Variants in PTPRR observed in about 807,000 individuals in gnomAD.
PTPRR encodes the protein receptor-type tyrosine-protein phosphatase R.
PTPRR carries 38 observed loss-of-function variants against 77.2 expected under a neutral mutation model. The ratio of observed to expected loss-of-function variants is 0.49; its 90% CI spans 0.38 to 0.65. The LOEUF (loss-of-function observed/expected upper bound fraction) is 0.65. Ranked by LOEUF, PTPRR falls within the 30% of genes least tolerant of loss-of-function variation. The probability of loss-of-function intolerance (pLI) is 0.00; values close to 1 mark genes in which losing one functional copy is unlikely to be tolerated. For missense variants in PTPRR, 744 were observed against 799.2 expected, an observed-to-expected ratio of 0.93 and a Z score of 0.83; for synonymous variants, 299 against 283.1, an observed-to-expected ratio of 1.06 and a Z score of -0.57.
Position 70,707,218 on chromosome 12 carries a change from A to G in PTPRR, c.1008-5895T>C, listed in dbSNP as rs151037091. Among the ~76,000 whole-genome samples, 226 of 152,272 alleles carry G rather than the reference A, an allele frequency of 1.5e-3. No individual in the cohort carries two copies. The Middle Eastern group carries it at 0.02, about 14-fold the overall frequency. On this transcript the variant is annotated intron_variant, in intron 6 of 13. Transcript: ENST00000283228. ...TGTTTTCATGATTCAAAAATAATGC[A>G]TGTTAACTAAAGCTAAAAATAGAGA...
At chr12:70,854,451 A>G (rs962365359) in intron 2 of PTPRR, among the ~76,000 whole-genome samples, 4 of 152,232 alleles carry the variant, frequency 2.6e-5, no homozygotes, top group African/African-American at 7.2e-5. Context: ...GCACATCTTC[A>G]TAAGGCTCTC....
Position 70,638,990 on chromosome 12 carries a change from T to C in PTPRR, c.*194A>G. ...AAAACCTTCAGAATAATTTGGGGGA[T>C]GCTTACAAATGCATTCATATACACA... On this transcript the variant is annotated 3_prime_UTR_variant, in exon 14 of 14. Transcript: ENST00000283228. 3.4e-6 allele frequency: 2 copies of C among 580,534 alleles called. No individual in the cohort carries two copies. The allele number at this position is 580,534 out of a possible 1,614,324, so 36.0% of individuals were successfully genotyped here.
chr12:70,720,881 T>A (rs775560892), intron 6 of PTPRR, among the ~76,000 whole-genome samples: 1 of 152,186 alleles, frequency 6.6e-6, no homozygotes, highest in Non-Finnish European at 1.5e-5. Flanking sequence ...CACTCCCTCA[T>A]CTTCGACTCC....
At chr12:70,665,635 G>A (rs1886964002) in intron 10 of PTPRR, among the ~76,000 whole-genome samples, 1 of 151,306 alleles carries the variant, frequency 6.6e-6, no homozygotes, top group Non-Finnish European at 1.5e-5. Context: ...GCCCACCTTG[G>A]CCTCCCAAAG....
At chr12:70,840,154 A>T (rs937200772) in intron 2 of PTPRR, among the ~76,000 whole-genome samples, 11 of 152,150 alleles carry the variant, frequency 7.2e-5, no homozygotes, top group African/African-American at 2.7e-4. Flanking sequence ...AAATCAAAGT[A>T]TCACTGGGGC....
intron 1 of PTPRR, among the ~76,000 whole-genome samples, chr12:70,894,684 T>C (rs1377301824): frequency 6.6e-6 from 1 of 151,892 alleles, no homozygotes; most frequent in East Asian, 1.9e-4. Context: ...TTTCCATTGA[T>C]AAAACAGTGG....
intron 10 of PTPRR, chr12:70,672,911 C>A (rs1327435463): frequency 1.3e-6 from 2 of 1,523,250 alleles, no homozygotes; most frequent in South Asian, 2.3e-5. Flanking sequence ...TGCTCCCACT[C>A]AGCTTAGCCC....
intron 13 of PTPRR, among the ~76,000 whole-genome samples, chr12:70,650,847 A>G (rs938928439): frequency 1.3e-5 from 2 of 152,208 alleles, no homozygotes; most frequent in East Asian, 1.9e-4. Flanking sequence ...ACAAACACTC[A>G]TTCCATTCTA....
chr12:70,638,908 G>A lies in PTPRR; in HGVS notation c.*276C>T. The A allele has an allele frequency of 2.4e-6, 1 of 419,160 alleles. No homozygotes were observed. Among genetic ancestry groups the A allele is most frequent in the South Asian group, 3.2e-5 (1 of 30,888 alleles). The allele number at this position is 419,160 out of a possible 1,614,324, so 26.0% of individuals were successfully genotyped here. Reference sequence around the variant, plus strand: ...CTGTGTGGCAGATAGAGTCAGTACAGACAAAACAAAATCTGCCTTAGGCTG... The same window carrying A: ...CTGTGTGGCAGATAGAGTCAGTACAAACAAAACAAAATCTGCCTTAGGCTG... On this transcript the variant is annotated 3_prime_UTR_variant, in exon 14 of 14. Transcript: ENST00000283228.
At chr12:70,894,899 G>A (rs758117801) in intron 1 of PTPRR, among the ~76,000 whole-genome samples, 17 of 151,654 alleles carry the variant, frequency 1.1e-4, no homozygotes, top group Admixed American at 3.3e-4. Flanking sequence ...GGTCAATTTA[G>A]CATGCTCGGA....
intron 1 of PTPRR, among the ~76,000 whole-genome samples, chr12:70,897,683 C>T (rs894151382): frequency 1.3e-5 from 2 of 152,024 alleles, no homozygotes; most frequent in Non-Finnish European, 2.9e-5. Flanking sequence ...ATAAATCGTG[C>T]TGCTATAAAG....
intron 2 of PTPRR, among the ~76,000 whole-genome samples, chr12:70,841,721 GAC>G: frequency 8.6e-6 from 1 of 115,608 alleles, no homozygotes; most frequent in Non-Finnish European, 2.0e-5. Flanking sequence ...TAAAAGTAAA[GAC>G]ATCATTTTCC....
intron 2 of PTPRR, among the ~76,000 whole-genome samples, chr12:70,823,563 T>C (rs926760881): frequency 1.4e-4 from 22 of 152,222 alleles, no homozygotes; most frequent in African/African-American, 5.1e-4. Flanking sequence ...TTTAACAACT[T>C]GTACTTATTA....
At chr12:70,898,709 G>A (rs1893479137) in intron 1 of PTPRR, among the ~76,000 whole-genome samples, 1 of 150,836 alleles carries the variant, frequency 6.6e-6, no homozygotes, top group Admixed American at 6.6e-5. Flanking sequence ...AGAAAAAAGA[G>A]TAAAATAAAT....
chr12:70,832,800 T>C (rs1648040709), intron 2 of PTPRR, among the ~76,000 whole-genome samples: 1 of 152,146 alleles, frequency 6.6e-6, no homozygotes, highest in Non-Finnish European at 1.5e-5. Flanking sequence ...TGTACAAGCA[T>C]GGACCAGCAT....
intron 10 of PTPRR, among the ~76,000 whole-genome samples, chr12:70,666,298 T>C (rs986750479): frequency 9.9e-5 from 15 of 152,162 alleles, no homozygotes; most frequent in African/African-American, 2.2e-4. Flanking sequence ...AACCACAGCA[T>C]TGACCAATGA....
chr12:70,640,455 C>T (rs1245870992), intron 13 of PTPRR, among the ~76,000 whole-genome samples: 1 of 152,106 alleles, frequency 6.6e-6, no homozygotes, highest in Non-Finnish European at 1.5e-5. Flanking sequence ...CAGGCTTGAA[C>T]GACGGTGTCC....
At chr12:70,667,231 C>T (rs1020028250) in intron 10 of PTPRR, among the ~76,000 whole-genome samples, 3 of 152,076 alleles carry the variant, frequency 2.0e-5, no homozygotes, top group African/African-American at 7.2e-5. Context: ...GCTAGGATTG[C>T]AGGCATGAGC....
intron 2 of PTPRR, among the ~76,000 whole-genome samples, chr12:70,804,741 A>T (rs1489402355): frequency 1.3e-5 from 2 of 152,132 alleles, no homozygotes; most frequent in Admixed American, 1.3e-4. Context: ...CTTCCACCAC[A>T]CTACCCACTG....
Sources: gnomAD v4.1 joint callset for allele counts (sites outside exome capture counted in the v4.1 genomes callset) on GRCh38, gnomAD v4.1.1 for gene constraint, MANE v1.5 for transcripts, NCBI Gene and HGNC (gene_info 2026-07-23, HGNC 2026-07-21) for gene names.